The following CTNNA2 variants were observed in gnomAD, a reference collection of about 807,000 sequenced individuals.
CTNNA2 encodes the protein catenin alpha 2.
Under a neutral mutation model 101.0 loss-of-function variants are expected in CTNNA2, and 42 were observed. The observed-to-expected ratio is 0.42, with a 90% CI of 0.32 to 0.54. The LOEUF is 0.54. CTNNA2 is among the 20% of genes least tolerant of loss of function. The pLI, the probability that CTNNA2 is intolerant of heterozygous loss-of-function variation, is 0.14. For synonymous variants in CTNNA2, 450 were observed against 456.4 expected (o/e 0.99, Z 0.18); for missense variants, 871 against 1,223.1 (o/e 0.71, Z 4.29).
chr2:80,303,823 C>T lies in CTNNA2; in HGVS notation c.1057-89388C>T, dbSNP rs1170678008. On this transcript the variant is annotated intron_variant, in intron 7 of 18. Transcript: ENST00000402739. This position sits in a 1 kb window ranked among gnomAD's most constrained non-coding sequence, Gnocchi z 7.7. Reference sequence around the variant, plus strand: ...GACCGAGCAGCAGGAAATCCATTAGCGAGAATCTTTCCAGAGAGACTGGAG... The same window carrying T: ...GACCGAGCAGCAGGAAATCCATTAGTGAGAATCTTTCCAGAGAGACTGGAG... 6.6e-7 allele frequency: 1 copy of T among 1,504,402 alleles called. No homozygotes were observed. Among genetic ancestry groups the T allele is most frequent in the Non-Finnish European group, 8.9e-7 (1 of 1,126,568 alleles). 93.2% of individuals were successfully genotyped at this position (1,504,402 alleles called of 1,614,324 possible).
At chr2:79,952,160 A>T (rs986497084) in intron 7 of CTNNA2, among the ~76,000 whole-genome samples, 4 of 152,200 alleles carry the variant, frequency 2.6e-5, no homozygotes, top group African/African-American at 9.6e-5. Flanking sequence ...TGGTCTCTCC[A>T]GGCCACCTAA....
chr2:80,231,369 G>C (rs1709200751), intron 7 of CTNNA2, among the ~76,000 whole-genome samples: 2 of 152,142 alleles, frequency 1.3e-5, no homozygotes, highest in South Asian at 4.1e-4. Flanking sequence ...GCCTGTGATG[G>C]TACGGCATTC....
chr2:80,235,142 A>G (rs1446315941), intron 7 of CTNNA2, among the ~76,000 whole-genome samples: 1 of 152,142 alleles, frequency 6.6e-6, no homozygotes, highest in African/African-American at 2.4e-5. Context: ...GATTTTTTTC[A>G]TATTTGTCCA....
chr2:80,388,063 G>T (rs572517918), intron 7 of CTNNA2, among the ~76,000 whole-genome samples: 1 of 152,314 alleles, frequency 6.6e-6, no homozygotes, highest in East Asian at 1.9e-4. Flanking sequence ...AAGCAGCAGA[G>T]GAAATACACC....
intron 7 of CTNNA2, among the ~76,000 whole-genome samples, chr2:80,235,397 T>C (rs761719797): frequency 1.4e-3 from 220 of 152,168 alleles, no homozygotes; most frequent in Non-Finnish European, 2.7e-3. Context: ...GAAGGAACTA[T>C]CAATCACTGC....
intron 2 of CTNNA2, among the ~76,000 whole-genome samples, chr2:79,686,621 A>C (rs1446657663): frequency 2.0e-5 from 3 of 152,200 alleles, no homozygotes; most frequent in African/African-American, 7.2e-5. Flanking sequence ...TGAGAGGAAG[A>C]AGTAATAAAT....
intron 7 of CTNNA2, among the ~76,000 whole-genome samples, chr2:80,215,268 G>A (rs1405868889): frequency 1.3e-5 from 2 of 152,100 alleles, no homozygotes; most frequent in Non-Finnish European, 2.9e-5. Context: ...CTCTCAGCTC[G>A]TCAAAGTCAT....
chr2:80,547,851 G>A (rs12474940), intron 11 of CTNNA2, among the ~76,000 whole-genome samples: 72,024 of 151,736 alleles, frequency 0.47, 17,955 homozygotes, highest in Middle Eastern at 0.62. Flanking sequence ...CACTATGCCC[G>A]GCTAATTTTG....
rs538045186 is a variant in CTNNA2 at position 80,048,125 on chromosome 2, AAACAACAAC to A, written c.1056+138342_1056+138350del. On this transcript the variant is annotated intron_variant, in intron 7 of 18. Coordinates refer to ENST00000402739, the MANE Select transcript of CTNNA2 (RefSeq NM_001282597.3). The stretch of plus-strand genomic sequence containing the variant: ...ATAGGATCACCAGATTTAACAAATT[AAACAACAAC>A]AACAACAACAACAGAGTATCCAGTT... Among the ~76,000 whole-genome samples, 5 of 152,242 alleles carry A rather than the reference AAACAACAAC, an allele frequency of 3.3e-5. No homozygotes were observed. The South Asian group carries it at 1.0e-3, about 32-fold the overall frequency.
At chr2:79,413,356 C>T (rs1024899717) in intron 4 of CTNNA2, among the ~76,000 whole-genome samples, 2 of 151,670 alleles carry the variant, frequency 1.3e-5, no homozygotes, top group Non-Finnish European at 2.9e-5. Context: ...TGTCCTCTAG[C>T]TTCATTCTTG....
At chr2:79,450,993 T>A (rs1000565123) in intron 4 of CTNNA2, among the ~76,000 whole-genome samples, 13 of 152,020 alleles carry the variant, frequency 8.6e-5, no homozygotes, top group African/African-American at 3.1e-4. Flanking sequence ...CTCACCCAGA[T>A]GAGGACAATG....
At chr2:79,200,042 A>C (rs1460714709) in intron 2 of CTNNA2, among the ~76,000 whole-genome samples, 1 of 151,960 alleles carries the variant, frequency 6.6e-6, no homozygotes, top group East Asian at 1.9e-4. Context: ...AGAGAGAGAG[A>C]GAGAGAGAGA....
At position 80,302,066 on chromosome 2, in the gene CTNNA2, A is replaced by T; in HGVS notation, c.1057-91145A>T. On this transcript the variant is annotated intron_variant, in intron 7 of 18. Transcript: ENST00000402739. This position sits in a 1 kb window ranked among gnomAD's most constrained non-coding sequence, Gnocchi z 6.4. ...GGGGTGGGGTTTTTTGTTGTGTTTTAATTCGCTTTTGTTTTTAAGACACAA... is the reference window on the plus strand; with the variant it reads ...GGGGTGGGGTTTTTTGTTGTGTTTTTATTCGCTTTTGTTTTTAAGACACAA... 4 of 766,056 alleles carry T rather than the reference A, an allele frequency of 5.2e-6. No homozygotes were observed. The highest frequency in any genetic ancestry group is 8.0e-6 in the Non-Finnish European group (4 of 502,772). 47.5% of individuals were successfully genotyped at this position (766,056 alleles called of 1,614,324 possible). A position where few individuals can be genotyped will look rare whatever the true frequency, so the allele number is the denominator to read the frequency against.
At chr2:79,667,047 C>T (rs1424489674) in intron 2 of CTNNA2, among the ~76,000 whole-genome samples, 2 of 152,176 alleles carry the variant, frequency 1.3e-5, no homozygotes, top group African/African-American at 4.8e-5. Flanking sequence ...TCAACAAGGT[C>T]ACTCTTCCAC....
At chr2:80,439,403 T>G (rs1323805614) in intron 9 of CTNNA2, among the ~76,000 whole-genome samples, 2 of 152,142 alleles carry the variant, frequency 1.3e-5, no homozygotes, top group Non-Finnish European at 2.9e-5. Context: ...TGTTTTGTTT[T>G]GTTTTTGAGA....
chr2:80,355,707 A>G (rs1422855407), intron 7 of CTNNA2, among the ~76,000 whole-genome samples: 1 of 152,090 alleles, frequency 6.6e-6, no homozygotes, highest in African/African-American at 2.4e-5. Flanking sequence ...GCTCCGTTGT[A>G]TATGATGAAC....
At chr2:80,380,026 T>A (rs948409882) in intron 7 of CTNNA2, among the ~76,000 whole-genome samples, 2 of 145,646 alleles carry the variant, frequency 1.4e-5, no homozygotes, top group South Asian at 4.3e-4. Flanking sequence ...GTTCGAGATG[T>A]ACTTTTTTTT....
chr2:79,748,524 T>C (rs1005341015), intron 3 of CTNNA2, among the ~76,000 whole-genome samples: 4 of 152,290 alleles, frequency 2.6e-5, no homozygotes, highest in African/African-American at 7.2e-5. Flanking sequence ...TAAAAAGTAT[T>C]GTCACTTTTT....
chr2:79,558,468 A>T (rs1674576802), intron 1 of CTNNA2, among the ~76,000 whole-genome samples: 1 of 151,924 alleles, frequency 6.6e-6, no homozygotes, highest in South Asian at 2.1e-4. Context: ...TGCTGTAAAG[A>T]TTCAATGAAA....
Sources: allele counts gnomAD v4.1 joint callset (sites outside exome capture counted in the v4.1 genomes callset), GRCh38; gene constraint gnomAD v4.1.1; non-coding constraint Gnocchi (gnomAD v3.1); transcripts MANE v1.5; gene names NCBI Gene and HGNC (gene_info 2026-07-23, HGNC 2026-07-21).